The following SLC26A7 variants were observed in gnomAD, a reference collection of about 807,000 sequenced individuals.
SLC26A7 encodes anion exchange transporter.
In SLC26A7, 59 loss-of-function variants were observed where a neutral mutation model predicts 82.5. The observed-to-expected ratio is 0.72, with a 90% CI of 0.58 to 0.89. The LOEUF (loss-of-function observed/expected upper bound fraction) is 0.89. Among genes scored for constraint, SLC26A7 ranks in the 40% least tolerant of loss-of-function variants. The probability of loss-of-function intolerance (pLI) is 0.00; values close to 1 mark genes in which losing one functional copy is unlikely to be tolerated. For synonymous variants in SLC26A7, 271 were observed against 274.3 expected (o/e 0.99, Z 0.12); for missense variants, 820 against 793.0 (o/e 1.03, Z -0.41).
chr8:91,351,321 T>G (rs530454929), intron 9 of SLC26A7, among the ~76,000 whole-genome samples: 1 of 152,212 alleles, frequency 6.6e-6, no homozygotes, highest in African/African-American at 2.4e-5. Context: ...CTCCACAACT[T>G]GAGCCTTTAC....
At chr8:91,350,477 T>C (rs1047739496) in intron 9 of SLC26A7, among the ~76,000 whole-genome samples, 2 of 152,030 alleles carry the variant, frequency 1.3e-5, no homozygotes, top group East Asian at 3.8e-4. Context: ...AATCAAGATA[T>C]AGAATATTTC....
At position 91,376,030 on chromosome 8, in the gene SLC26A7, G is replaced by T. The variant is rs116775950; in HGVS notation, c.1675+6197G>T. Among the ~76,000 whole-genome samples the T allele has an allele frequency of 2.2e-3, 334 of 151,990 alleles. 1 individual carries two copies. The highest frequency in any genetic ancestry group is 7.8e-3 in the African/African-American group (323 of 41,496). On this transcript the variant is annotated intron_variant, in intron 15 of 18. Transcript: ENST00000276609. The stretch of plus-strand genomic sequence containing the variant: ...CTTTTTTTTCTAGTATATTATTAAA[G>T]CTTTCAAATGTGTTTTGAAATTCCT...
chr8:91,277,298 C>T (rs957205070), intron 2 of SLC26A7, among the ~76,000 whole-genome samples: 1 of 152,214 alleles, frequency 6.6e-6, no homozygotes, highest in Non-Finnish European at 1.5e-5. Context: ...TAATCATTCT[C>T]CCACTGCCTT....
rs553681736 is a variant in SLC26A7, at chr8:91,347,922, C to T, written c.1141-3888C>T. Among the ~76,000 whole-genome samples, 11 of 152,282 alleles carry T rather than the reference C, an allele frequency of 7.2e-5. No homozygotes were observed. The East Asian group carries it at 1.9e-3, about 27-fold the overall frequency. ...TCCTTTTCTCCTTCCCTGTAAAGAACGGTAAGTATGGGAGGGAGCTCAGTG... is the reference window on the plus strand; with the variant it reads ...TCCTTTTCTCCTTCCCTGTAAAGAATGGTAAGTATGGGAGGGAGCTCAGTG... On this transcript the variant is annotated intron_variant, in intron 9 of 18. Coordinates refer to ENST00000276609, the MANE Select transcript of SLC26A7 (RefSeq NM_052832.4).
At chr8:91,323,721 G>A (rs1812856506) in intron 5 of SLC26A7, among the ~76,000 whole-genome samples, 1 of 151,802 alleles carries the variant, frequency 6.6e-6, no homozygotes, top group African/African-American at 2.4e-5. Context: ...CCAGAATGTT[G>A]GTTTTCCCTC....
chr8:91,303,916 T>C (rs1812233623), intron 4 of SLC26A7, among the ~76,000 whole-genome samples: 1 of 152,206 alleles, frequency 6.6e-6, no homozygotes, highest in African/African-American at 2.4e-5. Flanking sequence ...TTCACTGTTT[T>C]ACAACCATTA....
At chr8:91,211,620 T>A (rs763949546) in intron 1 of SLC26A7, among the ~76,000 whole-genome samples, 5,760 of 129,012 alleles carry the variant, frequency 0.045, 185 homozygotes, top group African/African-American at 0.1. Flanking sequence ...ATATATATTT[T>A]TTTTTTATTT....
intron 2 of SLC26A7, among the ~76,000 whole-genome samples, chr8:91,238,431 C>G (rs2130682249): frequency 6.6e-6 from 1 of 151,816 alleles, no homozygotes; most frequent in Non-Finnish European, 1.5e-5. Context: ...TCATCAGGTT[C>G]AGAAATTGCT....
chr8:91,252,426 A>G (rs1448253180), intron 2 of SLC26A7, among the ~76,000 whole-genome samples: 1 of 151,946 alleles, frequency 6.6e-6, no homozygotes, highest in Non-Finnish European at 1.5e-5. Flanking sequence ...ATGCTTTTCT[A>G]TTATCAGTAG....
At chr8:91,309,240 T>C (rs1329079045) in intron 4 of SLC26A7, among the ~76,000 whole-genome samples, 2 of 151,442 alleles carry the variant, frequency 1.3e-5, no homozygotes, top group African/African-American at 4.8e-5. Context: ...TAATAAAATA[T>C]ACGTTATGTA....
chr8:91,260,384 A>G (rs1321564018), intron 2 of SLC26A7, among the ~76,000 whole-genome samples: 1 of 152,144 alleles, frequency 6.6e-6, no homozygotes, highest in African/African-American at 2.4e-5. Flanking sequence ...ACACATGTCG[A>G]TTATGGAGAT....
chr8:91,308,433 ACT>A (rs1812384715), intron 4 of SLC26A7, among the ~76,000 whole-genome samples: 1 of 152,028 alleles, frequency 6.6e-6, no homozygotes, highest in South Asian at 2.1e-4. Context: ...TAAAACTGAA[ACT>A]CTATACTCAT....
chr8:91,218,434 A>G (rs972996704), intron 1 of SLC26A7, among the ~76,000 whole-genome samples: 1 of 152,166 alleles, frequency 6.6e-6, no homozygotes. Context: ...CTTAATGAAT[A>G]GTACAGACAG....
intron 2 of SLC26A7, among the ~76,000 whole-genome samples, chr8:91,260,087 A>G (rs1185948865): frequency 6.6e-6 from 1 of 152,110 alleles, no homozygotes; most frequent in Non-Finnish European, 1.5e-5. Flanking sequence ...GTATTAGTCC[A>G]TTTTAACACT....
intron 2 of SLC26A7, among the ~76,000 whole-genome samples, chr8:91,286,184 A>G (rs1447780926): frequency 6.6e-6 from 1 of 152,118 alleles, no homozygotes; most frequent in Non-Finnish European, 1.5e-5. Context: ...AGGGAAGCCA[A>G]TCTCAGCACA....
intron 9 of SLC26A7, among the ~76,000 whole-genome samples, chr8:91,345,513 G>A (rs1813538575): frequency 6.6e-6 from 1 of 152,128 alleles, no homozygotes; most frequent in Admixed American, 6.5e-5. Flanking sequence ...AGCACTAAAT[G>A]TCCTTAAAAT....
At chr8:91,284,174 A>G (rs981076110) in intron 2 of SLC26A7, among the ~76,000 whole-genome samples, 2 of 152,162 alleles carry the variant, frequency 1.3e-5, no homozygotes, top group Non-Finnish European at 2.9e-5. Context: ...GGAAATTTAT[A>G]ATTGTTTTTC....
chr8:91,333,246 C>G (rs776374470), intron 5 of SLC26A7, among the ~76,000 whole-genome samples: 1 of 152,176 alleles, frequency 6.6e-6, no homozygotes, highest in Non-Finnish European at 1.5e-5. Flanking sequence ...TGACTTTACT[C>G]TTACATTGAT....
chr8:91,345,392 G>A (rs112840003), intron 9 of SLC26A7, among the ~76,000 whole-genome samples: 5 of 152,180 alleles, frequency 3.3e-5, no homozygotes, highest in African/African-American at 1.2e-4. Context: ...CACTAGTGAA[G>A]TGACTTTGCA....
Sources: allele counts gnomAD v4.1 joint callset (sites outside exome capture counted in the v4.1 genomes callset), GRCh38; gene constraint gnomAD v4.1.1; transcripts MANE v1.5; gene names NCBI Gene and HGNC (gene_info 2026-07-23, HGNC 2026-07-21).